The following RAVER2 variants were observed in gnomAD, a reference collection of about 807,000 sequenced individuals.
RAVER2 encodes the protein ribonucleoprotein, PTB binding 2, also known as ribonucleoprotein PTB-binding 2.
In RAVER2, 46 loss-of-function variants were observed where a neutral mutation model predicts 78.1. That is an observed-to-expected ratio of 0.59 (90% CI 0.46 to 0.75). The LOEUF (loss-of-function observed/expected upper bound fraction) is 0.75. Ranked by LOEUF, RAVER2 falls within the 30% of genes least tolerant of loss-of-function variation. RAVER2 has a pLI of 0.00. For synonymous variants in RAVER2, 311 were observed against 313.3 expected (o/e 0.99, Z 0.08); for missense variants, 793 against 837.5 (o/e 0.95, Z 0.66).
chr1:64,771,669 TGTTTGAAGTCTCTTATACA>T (rs1221285629), intron 2 of RAVER2, among the ~76,000 whole-genome samples: 2 of 152,106 alleles, frequency 1.3e-5, no homozygotes, highest in Non-Finnish European at 2.9e-5. Flanking sequence ...GGGATTGCAC[TGTTTGAAGTCTCTTATACA>T]GTACATGAAG....
chr1:64,828,090 C>A (rs904034148), intron 11 of RAVER2, among the ~76,000 whole-genome samples: 8 of 152,154 alleles, frequency 5.3e-5, no homozygotes, highest in Admixed American at 3.3e-4. Flanking sequence ...CATATCTGAC[C>A]TCATCTCCAA....
At chr1:64,789,433 C>G (rs753595142) in exon 5 of RAVER2, 2 of 1,609,798 alleles carry the variant, frequency 1.2e-6, no homozygotes, top group South Asian at 2.2e-5. Flanking sequence ...AAATCCAGTA[C>G]AAATTATGAA....
At chr1:64,773,229 G>C (rs1404952292) in intron 2 of RAVER2, among the ~76,000 whole-genome samples, 1 of 152,082 alleles carries the variant, frequency 6.6e-6, no homozygotes, top group African/African-American at 2.4e-5. Flanking sequence ...GGGTAAATGT[G>C]CAGAACGTGC....
rs975866834 is a variant in RAVER2 at position 64,802,921 on chromosome 1, T to C, written c.1106-55T>C. 7.0e-6 allele frequency: 9 copies of C among 1,288,108 alleles called. No individual in the cohort carries two copies. In the East Asian group the frequency reaches 2.3e-4, roughly 32 times the overall value. The allele number at this position is 1,288,108 out of a possible 1,614,324, so 79.8% of individuals were successfully genotyped here. On this transcript the variant is annotated intron_variant, in intron 5 of 11. Coordinates refer to ENST00000294428, the Ensembl canonical transcript of RAVER2. Reference sequence around the variant, plus strand: ...TTTACCCTTTTCGAAGCTTGGTTTTTAAAAATTTTTAATTCCATATATAAA... The same window carrying C: ...TTTACCCTTTTCGAAGCTTGGTTTTCAAAAATTTTTAATTCCATATATAAA...
At chr1:64,819,903 C>A (rs774945547) in intron 11 of RAVER2, among the ~76,000 whole-genome samples, 1 of 152,184 alleles carries the variant, frequency 6.6e-6, no homozygotes, top group Non-Finnish European at 1.5e-5. Context: ...CCCACCAACA[C>A]ACACACCATT....
chr1:64,775,788 G>A (rs141771727), intron 2 of RAVER2, among the ~76,000 whole-genome samples: 3 of 152,116 alleles, frequency 2.0e-5, no homozygotes, highest in Admixed American at 6.5e-5. Context: ...GGAGGTTGAG[G>A]TTGGTGGATC....
At chr1:64,791,379 C>T (rs1379551294) in intron 5 of RAVER2, among the ~76,000 whole-genome samples, 1 of 152,168 alleles carries the variant, frequency 6.6e-6, no homozygotes, top group Non-Finnish European at 1.5e-5. Flanking sequence ...TGCAAAGCTC[C>T]ACCTCTCCTT....
intron 9 of RAVER2, among the ~76,000 whole-genome samples, chr1:64,809,565 C>A (rs893058373): frequency 1.1e-4 from 17 of 151,992 alleles, no homozygotes; most frequent in Non-Finnish European, 1.5e-5. Flanking sequence ...GAATTTTATT[C>A]AGGGAGACAG....
chr1:64,753,298 G>T (rs759900558), intron 1 of RAVER2, among the ~76,000 whole-genome samples: 3 of 152,042 alleles, frequency 2.0e-5, no homozygotes, highest in Non-Finnish European at 2.9e-5. Flanking sequence ...CAACCAATCT[G>T]CCCTGCTTGG....
chr1:64,784,602 C>T (rs924895365), intron 4 of RAVER2, among the ~76,000 whole-genome samples: 1 of 152,126 alleles, frequency 6.6e-6, no homozygotes, highest in African/African-American at 2.4e-5. Flanking sequence ...GCTCTCAGTA[C>T]TAAATTATGT....
At chr1:64,807,520 G>A in intron 9 of RAVER2, 46 bp downstream of exon 9, 2 of 1,531,986 alleles carry the variant, frequency 1.3e-6, no homozygotes, top group Non-Finnish European at 1.8e-6. Context: ...ACATGTATAT[G>A]TATATATATT....
intron 3 of RAVER2, among the ~76,000 whole-genome samples, chr1:64,779,148 T>G (rs1652557020): frequency 6.6e-6 from 1 of 151,950 alleles, no homozygotes; most frequent in African/African-American, 2.4e-5. Context: ...ACACTTAACA[T>G]CCACTCTCGT....
At chr1:64,810,084 G>T (rs72675431) in intron 9 of RAVER2, among the ~76,000 whole-genome samples, 7,627 of 152,188 alleles carry the variant, frequency 0.05, 303 homozygotes, top group Admixed American at 0.14. Context: ...ATTCTTTGGG[G>T]TATGTACCCA....
chr1:64,783,741 A>T (rs942432242), intron 4 of RAVER2, among the ~76,000 whole-genome samples: 2 of 152,174 alleles, frequency 1.3e-5, no homozygotes, highest in African/African-American at 4.8e-5. Flanking sequence ...AAGAAAACCT[A>T]GGCAATACCA....
chr1:64,812,755 A>C lies in RAVER2; in HGVS notation c.1698A>C (p.Gln566His), dbSNP rs971852962. The change falls in exon 10 of 12, where the codon CAA (glutamine) becomes CAC (histidine). Residue 566 changes from glutamine to histidine, a missense_variant. Coordinates refer to ENST00000294428, the Ensembl canonical transcript of RAVER2. Reference sequence around the variant, plus strand: ...TTAAATAGGCTGCCTCTAAGAATCAAACTTCACTCTTGGGAGAACCACCAA... The same window carrying C: ...TTAAATAGGCTGCCTCTAAGAATCACACTTCACTCTTGGGAGAACCACCAA... 5 of 1,611,456 alleles carry C rather than the reference A, an allele frequency of 3.1e-6. No individual in the cohort carries two copies. In the South Asian group the frequency reaches 5.5e-5, roughly 18 times the overall value.
In RAVER2 at chr1:64,753,523, CTTTTTTTT is replaced by C. The variant is rs59448781; in HGVS notation, c.249+8116_249+8123del. Among the ~76,000 whole-genome samples the C allele has an allele frequency of 2.5e-4, 25 of 100,906 alleles. No homozygotes were observed. In the South Asian group the frequency reaches 6.5e-3, roughly 26 times the overall value. 66.2% of individuals were successfully genotyped at this position (100,906 alleles called of 152,430 possible). A position where few individuals can be genotyped will look rare whatever the true frequency, so the allele number is the denominator to read the frequency against. On this transcript the variant is annotated intron_variant, in intron 1 of 11. Coordinates refer to ENST00000294428, the Ensembl canonical transcript of RAVER2. The stretch of plus-strand genomic sequence containing the variant: ...CTACCCTCTGGCAATGTATAGAATT[CTTTTTTTT>C]TTTTTTTTTTTTTGGAAACGGAGTC...
Position 64,797,205 on chromosome 1 carries a change from A to G in RAVER2, c.1106-5771A>G, listed in dbSNP as rs1368715889. 2.6e-5 allele frequency among the ~76,000 whole-genome samples: 4 copies of G among 152,318 alleles called. No individual in the cohort carries two copies. In the East Asian group the frequency reaches 7.7e-4, roughly 29 times the overall value. ...GCTCTTACTGGATGTGGAGTGTTCT[A>G]TACACGTCAGTTAGATCAACATGGT... On this transcript the variant is annotated intron_variant, in intron 5 of 11. Coordinates refer to ENST00000294428, the Ensembl canonical transcript of RAVER2.
exon 7 of RAVER2, chr1:64,804,736 C>A: frequency 7.2e-7 from 1 of 1,381,102 alleles, no homozygotes. Context: ...TTTCACAGAG[C>A]TCAGTTATGG....
At chr1:64,767,456 A>G (rs1412405611) in intron 1 of RAVER2, among the ~76,000 whole-genome samples, 5 of 152,050 alleles carry the variant, frequency 3.3e-5, no homozygotes, top group Non-Finnish European at 7.4e-5. Context: ...ATTTTTAATA[A>G]AAGTGAATTC....
Sources: allele counts gnomAD v4.1 joint callset (sites outside exome capture counted in the v4.1 genomes callset), GRCh38; gene constraint gnomAD v4.1.1; transcripts MANE v1.5; gene names NCBI Gene and HGNC (gene_info 2026-07-23, HGNC 2026-07-21).